Variants in PRSS55 observed in about 807,000 individuals in gnomAD.
PRSS55 encodes the protein serine protease 55.
A neutral mutation model predicts 23.6 loss-of-function variants in PRSS55; 41 were observed. That is an observed-to-expected ratio of 1.74 (90% CI 1.35 to 2.26). The LOEUF is 2.26. PRSS55 is among the 30% of genes most tolerant of loss of function. The pLI, the probability that PRSS55 is intolerant of heterozygous loss-of-function variation, is 0.00. For synonymous variants in PRSS55, 262 were observed against 175.5 expected, an observed-to-expected ratio of 1.49 and a Z score of -3.90; for missense variants, 669 against 439.1, an observed-to-expected ratio of 1.52 and a Z score of -4.68.
Position 10,538,524 on chromosome 8 carries a change from T to A in PRSS55, c.790T>A (p.Trp264Arg). ...LVCTPEPGEK[W>R]YQVGIISWGK... is the part of the protein sequence containing the mutation. ...CTGCACCCCAGAGCCTGGTGAGAAG[T>A]GGTACCAGGTGGGCATCATAAGCTG... The change falls in exon 5 of 5, where the codon TGG becomes AGG. Residue 264 changes from tryptophan to arginine, a missense_variant. Physicochemically the swap from Trp to Arg is moderately radical, Grantham distance 101. Coordinates refer to ENST00000328655, the MANE Select transcript of PRSS55 (RefSeq NM_198464.4). 1 of 1,613,968 alleles carries A rather than the reference T, an allele frequency of 6.2e-7. No homozygotes were observed. The highest frequency in any genetic ancestry group is 8.5e-7 in the Non-Finnish European group (1 of 1,179,970).
At chr8:10,535,985 G>A (rs1362638776) in intron 4 of PRSS55, among the ~76,000 whole-genome samples, 1 of 152,216 alleles carries the variant, frequency 6.6e-6, no homozygotes, top group African/African-American at 2.4e-5. Context: ...AGGAGATCAA[G>A]ACCATCCTGG....
chr8:10,547,841 A>T (rs950305467), intron 4 of PRSS55, among the ~76,000 whole-genome samples: 2 of 148,188 alleles, frequency 1.3e-5, no homozygotes, highest in Non-Finnish European at 3.0e-5. Context: ...TGTTCCAGTC[A>T]CGGGGAAGAG....
At chr8:10,552,146 C>T (rs1812965979) in intron 4 of PRSS55, among the ~76,000 whole-genome samples, 1 of 152,216 alleles carries the variant, frequency 6.6e-6, no homozygotes, top group African/African-American at 2.4e-5. Flanking sequence ...TATGAGGAAC[C>T]TCCTCATCTT....
intron 1 of PRSS55, among the ~76,000 whole-genome samples, chr8:10,528,815 C>A (rs1168879771): frequency 6.6e-6 from 1 of 152,242 alleles, no homozygotes; most frequent in African/African-American, 2.4e-5. Flanking sequence ...TGCGTTCCTA[C>A]TGGACGCTCT....
exon 5 of PRSS55, chr8:10,554,015 T>G: frequency 6.5e-7 from 1 of 1,530,082 alleles, no homozygotes; most frequent in Non-Finnish European, 8.7e-7. Flanking sequence ...GTCTCACACC[T>G]TTCATCTGCA....
chr8:10,543,558 T>C (rs1812731793), downstream of PRSS55, among the ~76,000 whole-genome samples: 1 of 150,908 alleles, frequency 6.6e-6, no homozygotes, highest in Admixed American at 6.6e-5. Flanking sequence ...CTTTAACAAA[T>C]CTGTCCCTAT....
At chr8:10,546,552 C>A (rs1026256037) in intron 4 of PRSS55, among the ~76,000 whole-genome samples, 1 of 152,194 alleles carries the variant, frequency 6.6e-6, no homozygotes, top group Non-Finnish European at 1.5e-5. Flanking sequence ...TCAGGCAGCT[C>A]CAAAGCCTTA....
Position 10,548,100 on chromosome 8 carries a change from C to G in PRSS55, c.742-5843C>G, listed in dbSNP as rs370945533. On this transcript the variant is annotated intron_variant, in intron 4 of 4. Transcript: ENST00000522210. ...AAAGAGTGTCTCGGGGATCTCTGGGCCTTTCCAGAACAGAGATTCCCAGAG... is the reference window on the plus strand; with the variant it reads ...AAAGAGTGTCTCGGGGATCTCTGGGGCTTTCCAGAACAGAGATTCCCAGAG... 3.5e-4 allele frequency among the ~76,000 whole-genome samples: 53 copies of G among 152,254 alleles called. 1 individual carries two copies. The highest frequency in any genetic ancestry group is 1.1e-3 in the African/African-American group (47 of 41,538).
Position 10,533,040 on chromosome 8 carries a change from G to A in PRSS55, c.733G>A (p.Ala245Thr), listed in dbSNP as rs1812328726. Residue 245 changes from alanine to threonine, a missense_variant, in exon 4 of 5, where the codon GCC becomes ACC. Coordinates refer to ENST00000328655, the MANE Select transcript of PRSS55 (RefSeq NM_198464.4). ...CGGATACAAGAATGAGAGCTATGAT[G>A]CCTGCAAGGTAACTAGGGGGTACCC... is the stretch of plus-strand genomic sequence containing the variant. ...CAGYKNESYDACKGDSGGPLV... is the reference protein window; with the variant it reads ...CAGYKNESYDTCKGDSGGPLV... 10 of 1,614,030 alleles carry A rather than the reference G, an allele frequency of 6.2e-6. No individual in the cohort carries two copies. Among genetic ancestry groups the A allele is most frequent in the East Asian group, 2.2e-5 (1 of 44,902 alleles).
intron 2 of PRSS55, among the ~76,000 whole-genome samples, chr8:10,531,092 C>A (rs922617131): frequency 3.8e-5 from 5 of 132,606 alleles, no homozygotes; most frequent in Admixed American, 2.4e-4. Flanking sequence ...CTGTGGTCTG[C>A]ACACCAGCTA....
chr8:10,542,123 T>A (rs1276881696), downstream of PRSS55, among the ~76,000 whole-genome samples: 1 of 152,204 alleles, frequency 6.6e-6, no homozygotes, highest in African/African-American at 2.4e-5. Context: ...ATGGAAATTG[T>A]CAGTTTAAAC....
rs151046472 is a variant in PRSS55 at position 10,550,758 on chromosome 8, C to T, written c.742-3185C>T. Among the ~76,000 whole-genome samples the T allele has an allele frequency of 3.1e-3, 471 of 152,280 alleles. 2 individuals carry two copies. Among genetic ancestry groups the T allele is most frequent in the African/African-American group, 9.8e-3 (406 of 41,562 alleles). ...TCTCCTGAAGATGTCGCTTTCCATT[C>T]GATACCTGTGTTAATCACCTGATGT... On this transcript the variant is annotated intron_variant, in intron 4 of 4. Transcript: ENST00000522210.
chr8:10,541,101 T>C (rs759707708), downstream of PRSS55: 1 of 152,286 alleles, frequency 6.6e-6, no homozygotes, highest in Non-Finnish European at 1.5e-5. Flanking sequence ...GTGGGCTTTA[T>C]AGGTCACAAG....
chr8:10,529,488 C>T lies in PRSS55; in HGVS notation c.155-19C>T. 1 of 1,613,200 alleles carries T rather than the reference C, an allele frequency of 6.2e-7. No homozygotes were observed. Among genetic ancestry groups the T allele is most frequent in the Non-Finnish European group, 8.5e-7 (1 of 1,179,096 alleles). On this transcript the variant is annotated intron_variant, in intron 1 of 4. Coordinates refer to ENST00000328655, the MANE Select transcript of PRSS55 (RefSeq NM_198464.4). ...TAAGTGTTTCCCCTTTTCCTTTCCA[C>T]TCTCTTTCTTTCCACCAGAATGTGG...
At chr8:10,532,771 G>T (rs2117029965) in intron 3 of PRSS55, 135 bp from the exon 4 acceptor site, 1 of 1,062,746 alleles carries the variant, frequency 9.4e-7, no homozygotes, top group East Asian at 2.5e-5. Context: ...CCTGAAGGAA[G>T]TGAGGGGCTG....
At position 10,525,636 on chromosome 8, in the gene PRSS55, G is replaced by T. The variant is rs754424747; in HGVS notation, c.51G>T (p.Gln17His). Residue 17 changes from glutamine (Q) to histidine (H), a missense_variant, in exon 1 of 5, where the codon CAG (glutamine) becomes CAT (histidine). Transcript: ENST00000328655. ...TCCTGTCCCTGGTCACGGGAACTCAGCTCGGTCCACGGACTCCTCTCCCAG... is the reference window on the plus strand; with the variant it reads ...TCCTGTCCCTGGTCACGGGAACTCATCTCGGTCCACGGACTCCTCTCCCAG... ...LLLLSLVTGT[Q>H]LGPRTPLPEA... 1 of 1,614,158 alleles carries T rather than the reference G, an allele frequency of 6.2e-7. No homozygotes were observed. The highest frequency in any genetic ancestry group is 1.1e-5 in the South Asian group (1 of 91,078).
downstream of PRSS55, chr8:10,540,217 G>A (rs1289559272): frequency 6.6e-6 from 1 of 152,318 alleles, no homozygotes; most frequent in African/African-American, 2.4e-5. Context: ...CAATTCACAA[G>A]AAGTCCCTCG....
chr8:10,542,576 T>C (rs1211768443), downstream of PRSS55, among the ~76,000 whole-genome samples: 1 of 151,982 alleles, frequency 6.6e-6, no homozygotes, highest in Admixed American at 6.6e-5. Context: ...AACGTCTCCT[T>C]AAAGATGACC....
At chr8:10,531,750 C>G in intron 3 of PRSS55, 2 of 627,874 alleles carry the variant, frequency 3.2e-6, no homozygotes, top group Non-Finnish European at 5.5e-6. Context: ...CTAGTGCAGT[C>G]TGATCCAGCT....
Sources: gnomAD v4.1 joint callset for allele counts (sites outside exome capture counted in the v4.1 genomes callset) on GRCh38, gnomAD v4.1.1 for gene constraint, MANE v1.5 for transcripts, NCBI Gene and HGNC (gene_info 2026-07-23, HGNC 2026-07-21) for gene names.